AGMO: variants seen among roughly 807,000 people sequenced by gnomAD.
AGMO encodes the protein glyceryl-ether monooxygenase.
A neutral mutation model predicts 60.2 loss-of-function variants in AGMO; 75 were observed. The ratio of observed to expected loss-of-function variants is 1.25; its 90% confidence interval spans 1.03 to 1.51. The LOEUF is 1.51. Ranked by LOEUF, AGMO falls within the 40% of genes most tolerant of loss-of-function variation. The pLI is 0.00. For missense variants in AGMO, 763 were observed against 525.5 expected (o/e 1.45, Z -4.42); for synonymous variants, 261 against 177.1 (o/e 1.47, Z -3.76).
intron 3 of AGMO, among the ~76,000 whole-genome samples, chr7:15,488,927 G>C (rs529680220): frequency 7.9e-5 from 12 of 152,072 alleles, no homozygotes; most frequent in African/African-American, 2.9e-4. Context: ...TGTGTGTTGA[G>C]ATGGTTTACT....
intron 3 of AGMO, among the ~76,000 whole-genome samples, chr7:15,466,557 G>A (rs185158737): frequency 4.9e-4 from 74 of 152,126 alleles, no homozygotes; most frequent in African/African-American, 1.7e-3. Flanking sequence ...TTTTATAAAT[G>A]GACATGCAGC....
intron 2 of AGMO, among the ~76,000 whole-genome samples, chr7:15,555,316 C>G (rs931767240): frequency 5.4e-5 from 8 of 148,414 alleles, no homozygotes; most frequent in African/African-American, 2.0e-4. Context: ...CACACACACA[C>G]ACACACACAC....
chr7:15,306,214 T>C (rs181954941), intron 12 of AGMO: 264 of 239,694 alleles, frequency 1.1e-3, no homozygotes, highest in Non-Finnish European at 1.6e-3. Context: ...TGCACTGACA[T>C]TGACTTCATT....
intron 3 of AGMO, among the ~76,000 whole-genome samples, chr7:15,440,317 C>T (rs1781518334): frequency 6.6e-6 from 1 of 152,190 alleles, no homozygotes; most frequent in Admixed American, 6.5e-5. Context: ...TTTCTAAATA[C>T]CACTCAATCA....
At chr7:15,172,606 T>TA in the AGMO span, among the ~76,000 whole-genome samples, 5 of 152,038 alleles carry the variant, frequency 3.3e-5, no homozygotes, top group East Asian at 3.9e-4. Flanking sequence ...ACTTTTTTTT[T>TA]AATTGAAGTT....
intron 10 of AGMO, among the ~76,000 whole-genome samples, chr7:15,368,488 A>T (rs1583465944): frequency 6.6e-6 from 1 of 152,146 alleles, no homozygotes; most frequent in East Asian, 1.9e-4. Context: ...TTGTTTTTCA[A>T]ACCTATCACC....
chr7:15,536,580 A>C (rs1237419679), intron 3 of AGMO, among the ~76,000 whole-genome samples: 1 of 151,918 alleles, frequency 6.6e-6, no homozygotes, highest in African/African-American at 2.4e-5. Flanking sequence ...GATTCACAAT[A>C]GAATAAACAA....
chr7:15,457,692 G>C (rs545013450), intron 3 of AGMO, among the ~76,000 whole-genome samples: 3 of 152,034 alleles, frequency 2.0e-5, no homozygotes, highest in African/African-American at 7.2e-5. Context: ...TCTTTTTTAA[G>C]GGTTTATGAC....
At chr7:15,310,472 T>G (rs1233616124) in intron 12 of AGMO, among the ~76,000 whole-genome samples, 1 of 152,132 alleles carries the variant, frequency 6.6e-6, no homozygotes, top group Non-Finnish European at 1.5e-5. Flanking sequence ...GAGTATCAGT[T>G]ACTAATACTA....
chr7:15,243,241 T>G (rs987876273), intron 12 of AGMO, among the ~76,000 whole-genome samples: 8 of 152,126 alleles, frequency 5.3e-5, no homozygotes, highest in African/African-American at 1.9e-4. Context: ...AAGTTCTTTA[T>G]AGAGCTGGGT....
chr7:15,293,710 T>G (rs1012969688), intron 12 of AGMO, among the ~76,000 whole-genome samples: 3 of 152,148 alleles, frequency 2.0e-5, no homozygotes, highest in Admixed American at 6.5e-5. Context: ...TACGCCTAAT[T>G]CTTTGTATTT....
chr7:15,485,618 C>T (rs982831578), intron 3 of AGMO, among the ~76,000 whole-genome samples: 2 of 152,026 alleles, frequency 1.3e-5, no homozygotes, highest in Non-Finnish European at 2.9e-5. Flanking sequence ...TTATTTCTCC[C>T]ATGTTTGCGG....
chr7:15,259,961 G>A (rs1287404916), intron 12 of AGMO, among the ~76,000 whole-genome samples: 1 of 103,960 alleles, frequency 9.6e-6, no homozygotes, highest in African/African-American at 4.1e-5. Flanking sequence ...GGAAATACAA[G>A]GTTCAAGATA....
intron 3 of AGMO, among the ~76,000 whole-genome samples, chr7:15,515,863 G>C (rs1305081030): frequency 6.6e-6 from 1 of 152,172 alleles, no homozygotes; most frequent in Non-Finnish European, 1.5e-5. Context: ...AAGATGTTTA[G>C]TACTGTAGAC....
At chr7:15,541,534 C>G (rs1415048570) in intron 3 of AGMO, among the ~76,000 whole-genome samples, 1 of 152,144 alleles carries the variant, frequency 6.6e-6, no homozygotes, top group Non-Finnish European at 1.5e-5. Flanking sequence ...TATAATAGAA[C>G]TATTGTATTG....
At chr7:15,245,323 AT>A (rs1356954091) in intron 12 of AGMO, among the ~76,000 whole-genome samples, 10 of 152,276 alleles carry the variant, frequency 6.6e-5, no homozygotes, top group African/African-American at 2.4e-4. Context: ...TGGGAATAAT[AT>A]ACCTCTCTTT....
chr7:15,431,490 A>T (rs1781239017), intron 3 of AGMO, among the ~76,000 whole-genome samples: 1 of 151,880 alleles, frequency 6.6e-6, no homozygotes, highest in African/African-American at 2.4e-5. Context: ...TCAGCGTGTG[A>T]TAACATGTTT....
downstream of AGMO, among the ~76,000 whole-genome samples, chr7:15,197,270 C>A (rs1374291374): frequency 4.6e-5 from 7 of 152,088 alleles, no homozygotes; most frequent in Admixed American, 4.6e-4. Context: ...CGAATAAATC[C>A]TATTACTGTA....
intron 12 of AGMO, among the ~76,000 whole-genome samples, chr7:15,256,928 AAAAT>A (rs1269018245): frequency 6.6e-6 from 1 of 152,308 alleles, no homozygotes; most frequent in African/African-American, 2.4e-5. Context: ...GATACCAGAG[AAAAT>A]AAATAAATAA....
Sources: allele counts gnomAD v4.1 joint callset (sites outside exome capture counted in the v4.1 genomes callset), GRCh38; gene constraint gnomAD v4.1.1; transcripts MANE v1.5; gene names NCBI Gene and HGNC (gene_info 2026-07-23, HGNC 2026-07-21).